The following RAI14 variants were observed in gnomAD, a reference collection of about 807,000 sequenced individuals.
The protein encoded by RAI14 is ankycorbin.
Under a neutral mutation model 115.4 loss-of-function variants are expected in RAI14, and 45 were observed. The ratio of observed to expected loss-of-function variants is 0.39; its 90% CI spans 0.31 to 0.50. The LOEUF is 0.50. Ranked by LOEUF, RAI14 falls within the 20% of genes least tolerant of loss-of-function variation. The probability of loss-of-function intolerance (pLI) is 0.85; values close to 1 mark genes in which losing one functional copy is unlikely to be tolerated. For synonymous variants in RAI14, 371 were observed against 415.4 expected (o/e 0.89, Z 1.30); for missense variants, 939 against 1,131.2 (o/e 0.83, Z 2.44).
At chr5:34,657,589 T>C (rs1189612878) in intron 1 of RAI14, among the ~76,000 whole-genome samples, 1 of 152,218 alleles carries the variant, frequency 6.6e-6, no homozygotes, top group Non-Finnish European at 1.5e-5. Context: ...GACCAGCGGC[T>C]TCTCTTCGCC....
At chr5:34,750,979 A>G (rs1746933399) in intron 2 of RAI14, among the ~76,000 whole-genome samples, 4 of 147,700 alleles carry the variant, frequency 2.7e-5, no homozygotes, top group Admixed American at 1.4e-4. Context: ...CAGCATCCCG[A>G]GTAGCGGGGA....
At chr5:34,719,961 A>T (rs1408952684) in intron 2 of RAI14, among the ~76,000 whole-genome samples, 1 of 152,218 alleles carries the variant, frequency 6.6e-6, no homozygotes, top group Non-Finnish European at 1.5e-5. Context: ...TCCATTACTA[A>T]AAGTTCACCA....
chr5:34,807,423 C>T (rs957700267), intron 5 of RAI14, among the ~76,000 whole-genome samples: 2 of 151,890 alleles, frequency 1.3e-5, no homozygotes, highest in African/African-American at 4.8e-5. Flanking sequence ...GGTGAGGGTG[C>T]GTGGACTGCA....
chr5:34,684,292 C>T (rs1744628502), intron 1 of RAI14, among the ~76,000 whole-genome samples: 1 of 152,166 alleles, frequency 6.6e-6, no homozygotes, highest in African/African-American at 2.4e-5. Flanking sequence ...AGTTCCTGGG[C>T]TCTACCCCTT....
intron 2 of RAI14, among the ~76,000 whole-genome samples, chr5:34,745,184 T>A (rs1746006126): frequency 6.6e-6 from 1 of 152,200 alleles, no homozygotes. Context: ...GTAAAGGTGG[T>A]TATGGTGATT....
chr5:34,824,864 A>C (rs1043592365), intron 15 of RAI14, among the ~76,000 whole-genome samples: 1 of 150,906 alleles, frequency 6.6e-6, no homozygotes, highest in Non-Finnish European at 1.5e-5. Context: ...GAATGGCTTG[A>C]ACCCAGGAGG....
At chr5:34,708,279 T>C (rs939535777) in intron 2 of RAI14, among the ~76,000 whole-genome samples, 1 of 151,494 alleles carries the variant, frequency 6.6e-6, no homozygotes, top group African/African-American at 2.4e-5. Context: ...CTCGGCTCAC[T>C]GCAACCTCTG....
Position 34,790,767 on chromosome 5 carries a change from C to CAT in RAI14, c.168-5156_168-5155dup, listed in dbSNP as rs4001958. ...ATGGGTGTGTGTGTGTGTATATATA[C>CAT]ATATATATATATATATAGTATATAG... On this transcript the variant is annotated intron_variant, in intron 3 of 17. Transcript: ENST00000265109. Among the ~76,000 whole-genome samples the CAT allele has an allele frequency of 4.9e-3, 703 of 144,852 alleles. 2 individuals carry two copies. The highest frequency in any genetic ancestry group is 0.01 in the African/African-American group (403 of 39,660).
Position 34,823,964 on chromosome 5 carries a change from A to G in RAI14, c.2122A>G (p.Lys708Glu). 6.2e-7 allele frequency: 1 copy of G among 1,614,190 alleles called. No homozygotes were observed. The highest frequency in any genetic ancestry group is 8.5e-7 in the Non-Finnish European group (1 of 1,180,008). The stretch of plus-strand genomic sequence containing the variant: ...GTCTGAAATGAAGTCTCAGTATTCA[A>G]AAGTGTTGAATGAGTTGACCCAGCT... ...ALSEMKSQYS[K>E]VLNELTQLKQ... The change falls in exon 15 of 18, where the codon AAA becomes GAA. Residue 708 changes from lysine (K) to glutamate (E), a missense_variant. Transcript: ENST00000265109. This position sits in a 1 kb window ranked among gnomAD's most constrained non-coding sequence, Gnocchi z 4.5.
At chr5:34,750,996 G>C (rs960216454) in intron 2 of RAI14, among the ~76,000 whole-genome samples, 1 of 151,468 alleles carries the variant, frequency 6.6e-6, no homozygotes, top group African/African-American at 2.4e-5. Context: ...GGGATTACAG[G>C]CTACGCCACC....
At chr5:34,727,674 G>A (rs1743643408) in intron 2 of RAI14, among the ~76,000 whole-genome samples, 1 of 152,214 alleles carries the variant, frequency 6.6e-6, no homozygotes, top group Non-Finnish European at 1.5e-5. Flanking sequence ...TGGCTTCAGA[G>A]GGTGCAAGCC....
intron 11 of RAI14, among the ~76,000 whole-genome samples, chr5:34,814,081 C>T (rs539751341): frequency 7.2e-5 from 11 of 152,122 alleles, no homozygotes; most frequent in African/African-American, 2.6e-4. Flanking sequence ...ATACATTTGC[C>T]TTTTTAATTG....
chr5:34,696,149 A>G (rs1739200535), intron 2 of RAI14, among the ~76,000 whole-genome samples: 1 of 151,200 alleles, frequency 6.6e-6, no homozygotes, highest in South Asian at 2.1e-4. Flanking sequence ...ATTATTTTTT[A>G]TTTTTTTGAG....
chr5:34,711,184 A>G (rs892704411), intron 2 of RAI14, among the ~76,000 whole-genome samples: 1 of 152,206 alleles, frequency 6.6e-6, no homozygotes, highest in Admixed American at 6.5e-5. Context: ...CAACATGGCT[A>G]TTTATTTCAC....
chr5:34,786,378 G>C (rs1377398883), intron 3 of RAI14, among the ~76,000 whole-genome samples: 1 of 152,208 alleles, frequency 6.6e-6, no homozygotes, highest in East Asian at 1.9e-4. Flanking sequence ...CTCTGGAAAA[G>C]AAAGATCTGG....
intron 1 of RAI14, among the ~76,000 whole-genome samples, chr5:34,664,559 T>G (rs1254819580): frequency 1.3e-5 from 2 of 152,102 alleles, no homozygotes; most frequent in Non-Finnish European, 2.9e-5. Context: ...TAGGTATTGT[T>G]ATCGATAAGA....
At chr5:34,687,986 A>G (rs1738061830) in intron 2 of RAI14, 2 of 1,186,050 alleles carry the variant, frequency 1.7e-6, no homozygotes, top group East Asian at 2.6e-5. Flanking sequence ...TGCTTATGGG[A>G]TGATGGTAAA....
chr5:34,673,837 C>G (rs544277069), intron 1 of RAI14, among the ~76,000 whole-genome samples: 1 of 152,278 alleles, frequency 6.6e-6, no homozygotes, highest in African/African-American at 2.4e-5. Flanking sequence ...CCAATTCTCA[C>G]CCAGAGAGGA....
At chr5:34,793,635 G>A (rs1753180222) in intron 3 of RAI14, among the ~76,000 whole-genome samples, 1 of 152,180 alleles carries the variant, frequency 6.6e-6, no homozygotes, top group Non-Finnish European at 1.5e-5. Flanking sequence ...GTTAAATGTA[G>A]ATAAATATAA....
Sources: allele counts gnomAD v4.1 joint callset (sites outside exome capture counted in the v4.1 genomes callset), GRCh38; gene constraint gnomAD v4.1.1; non-coding constraint Gnocchi (gnomAD v3.1); transcripts MANE v1.5; gene names NCBI Gene and HGNC (gene_info 2026-07-23, HGNC 2026-07-21).